The following CHST9 variants were observed in gnomAD, a reference collection of about 807,000 sequenced individuals.
CHST9 encodes the protein carbohydrate sulfotransferase 9.
Under a neutral mutation model 44.4 loss-of-function variants are expected in CHST9, and 41 were observed. The observed-to-expected ratio is 0.92, with a 90% confidence interval of 0.72 to 1.20. CHST9 has a LOEUF of 1.20. Ranked by LOEUF, CHST9 falls within the 50% of genes most tolerant of loss-of-function variation. CHST9 has a pLI of 0.00. For synonymous variants in CHST9, 171 were observed against 178.4 expected, an observed-to-expected ratio of 0.96 and a Z score of 0.33; for missense variants, 504 against 516.5, an observed-to-expected ratio of 0.98 and a Z score of 0.23.
intron 4 of CHST9, among the ~76,000 whole-genome samples, chr18:26,989,224 AAACTT>A (rs1278075621): frequency 1.3e-5 from 2 of 152,198 alleles, no homozygotes; most frequent in Non-Finnish European, 1.5e-5. Context: ...TACATAAAGA[AAACTT>A]AATTTAAAAA....
At chr18:26,943,878 A>G (rs750009220) in intron 5 of CHST9, among the ~76,000 whole-genome samples, 9 of 152,214 alleles carry the variant, frequency 5.9e-5, no homozygotes, top group Non-Finnish European at 1.3e-4. Context: ...AGAATGGAAG[A>G]TCAACTTGTG....
At chr18:27,161,542 A>G (rs554111109) in intron 1 of CHST9, among the ~76,000 whole-genome samples, 62 of 152,282 alleles carry the variant, frequency 4.1e-4, no homozygotes, top group African/African-American at 1.4e-3. Flanking sequence ...TAAGTGGTCA[A>G]TTTTGGAATA....
chr18:27,100,532 G>T (rs1428228505), intron 2 of CHST9, among the ~76,000 whole-genome samples: 7 of 152,174 alleles, frequency 4.6e-5, no homozygotes, highest in Non-Finnish European at 7.3e-5. Flanking sequence ...GGAAAGGGGG[G>T]CACTGATTCT....
At chr18:26,934,912 C>A (rs1001464156) in intron 5 of CHST9, 5 of 152,182 alleles carry the variant, frequency 3.3e-5, no homozygotes, top group African/African-American at 1.2e-4. Flanking sequence ...GAATAACACA[C>A]CCTCTGCTAT....
At chr18:27,047,341 A>C (rs1201567994) in intron 3 of CHST9, among the ~76,000 whole-genome samples, 3 of 151,458 alleles carry the variant, frequency 2.0e-5, no homozygotes, top group Non-Finnish European at 4.4e-5. Flanking sequence ...GCAATAATGA[A>C]GGTAATCATA....
chr18:27,013,578 G>A (rs938973557), intron 4 of CHST9, among the ~76,000 whole-genome samples: 2 of 152,042 alleles, frequency 1.3e-5, no homozygotes, highest in Non-Finnish European at 2.9e-5. Flanking sequence ...TTCAAGAAAG[G>A]GCTCCTTGAC....
chr18:26,954,271 G>A (rs997166702), intron 4 of CHST9, among the ~76,000 whole-genome samples: 1 of 152,156 alleles, frequency 6.6e-6, no homozygotes, highest in African/African-American at 2.4e-5. Flanking sequence ...CCAATGACAG[G>A]GTGGGGAACA....
intron 4 of CHST9, among the ~76,000 whole-genome samples, chr18:26,961,625 G>A (rs2056401650): frequency 6.6e-6 from 1 of 152,078 alleles, no homozygotes. Context: ...TGAAGGTCTT[G>A]CTTTATTGTT....
chr18:26,977,619 A>G (rs1256444285), intron 4 of CHST9, among the ~76,000 whole-genome samples: 1 of 152,172 alleles, frequency 6.6e-6, no homozygotes, highest in Non-Finnish European at 1.5e-5. Context: ...TTCCCTATCC[A>G]TTAGTAGAAT....
intron 1 of CHST9, among the ~76,000 whole-genome samples, chr18:27,152,703 A>C (rs2058668340): frequency 6.6e-6 from 1 of 152,164 alleles, no homozygotes; most frequent in Non-Finnish European, 1.5e-5. Flanking sequence ...ATCTGGACTC[A>C]AATTATAATT....
At chr18:27,007,579 G>C (rs2057031861) in intron 4 of CHST9, among the ~76,000 whole-genome samples, 1 of 152,034 alleles carries the variant, frequency 6.6e-6, no homozygotes, top group Non-Finnish European at 1.5e-5. Context: ...GCCAAGCCAA[G>C]AATAATCCAG....
intron 5 of CHST9, among the ~76,000 whole-genome samples, chr18:26,929,321 A>G (rs2055833657): frequency 6.6e-6 from 1 of 152,202 alleles, no homozygotes; most frequent in Admixed American, 6.5e-5. Context: ...TCTGATTCTC[A>G]AACTCTGATA....
At chr18:27,154,752 T>A (rs1335567377) in intron 1 of CHST9, among the ~76,000 whole-genome samples, 1 of 152,118 alleles carries the variant, frequency 6.6e-6, no homozygotes, top group Non-Finnish European at 1.5e-5. Flanking sequence ...AAATCACAAC[T>A]TGACCACTTA....
intron 5 of CHST9, among the ~76,000 whole-genome samples, chr18:26,933,443 A>AT (rs2055917416): frequency 6.6e-6 from 1 of 152,020 alleles, no homozygotes; most frequent in South Asian, 2.1e-4. Context: ...CAACCTTTAT[A>AT]TTTTTGCCGA....
At chr18:27,065,677 A>G (rs1024065328) in intron 2 of CHST9, among the ~76,000 whole-genome samples, 2 of 151,258 alleles carry the variant, frequency 1.3e-5, no homozygotes, top group Non-Finnish European at 3.0e-5. Flanking sequence ...CCTCTAGGTG[A>G]ATATATAAAT....
chr18:27,095,003 A>G (rs1481502401), intron 2 of CHST9, among the ~76,000 whole-genome samples: 1 of 152,194 alleles, frequency 6.6e-6, no homozygotes, highest in East Asian at 1.9e-4. Context: ...TCTATCCACT[A>G]TATGTTAAGA....
In CHST9 at chr18:27,155,855, C is replaced by T. The variant is rs531822220; in HGVS notation, c.-96-12950G>A. Among the ~76,000 whole-genome samples, 14 of 151,960 alleles carry T rather than the reference C, an allele frequency of 9.2e-5. No homozygotes were observed. In the South Asian group the frequency reaches 2.7e-3, roughly 29 times the overall value. On this transcript the variant is annotated intron_variant, in intron 1 of 5. Coordinates refer to ENST00000618847, the MANE Select transcript of CHST9 (RefSeq NM_031422.6). ...CAAATAGTGTTATGAGAATCAGCAC[C>T]ATAAAAATGGTGGCTAAACTTGAAT...
intron 2 of CHST9, among the ~76,000 whole-genome samples, chr18:27,104,306 G>T (rs774310567): frequency 6.6e-6 from 1 of 152,350 alleles, no homozygotes; most frequent in African/African-American, 2.4e-5. Context: ...ACAAGGAGTT[G>T]TGTGTCTGAC....
intron 3 of CHST9, among the ~76,000 whole-genome samples, chr18:27,047,716 T>C (rs1447427624): frequency 6.6e-6 from 1 of 151,998 alleles, no homozygotes; most frequent in Non-Finnish European, 1.5e-5. Context: ...ACAGGAATAG[T>C]GGGTTGGTAG....
Sources: gnomAD v4.1 joint callset for allele counts (sites outside exome capture counted in the v4.1 genomes callset) on GRCh38, gnomAD v4.1.1 for gene constraint, MANE v1.5 for transcripts, NCBI Gene and HGNC (gene_info 2026-07-23, HGNC 2026-07-21) for gene names.